Variants in DKK2 observed in about 807,000 individuals in gnomAD.
DKK2 encodes the protein dickkopf-related protein 2.
In DKK2, 11 loss-of-function variants were observed where a neutral mutation model predicts 28.1. The observed-to-expected ratio is 0.39, with a 90% CI of 0.25 to 0.65. The LOEUF is 0.65. DKK2 is among the 30% of genes least tolerant of loss of function. The probability of loss-of-function intolerance (pLI) is 0.47; values close to 1 mark genes in which losing one functional copy is unlikely to be tolerated. For synonymous variants in DKK2, 135 were observed against 126.5 expected (o/e 1.07, Z -0.45); for missense variants, 326 against 335.5 (o/e 0.97, Z 0.22).
chr4:106,949,133 G>C (rs1258747004), intron 1 of DKK2, among the ~76,000 whole-genome samples: 1 of 152,100 alleles, frequency 6.6e-6, no homozygotes, highest in African/African-American at 2.4e-5. Flanking sequence ...GCACCCTCCT[G>C]GTCATTTAGT....
intron 1 of DKK2, among the ~76,000 whole-genome samples, chr4:107,032,131 C>G (rs1723884811): frequency 6.6e-6 from 1 of 151,976 alleles, no homozygotes; most frequent in African/African-American, 2.4e-5. Context: ...TTAGCAATAG[C>G]TGCAAATGAA....
At chr4:106,971,987 C>T (rs1364176522) in intron 1 of DKK2, among the ~76,000 whole-genome samples, 1 of 152,026 alleles carries the variant, frequency 6.6e-6, no homozygotes, top group African/African-American at 2.4e-5. Flanking sequence ...TTTGGTACTC[C>T]AAATCCATTG....
intron 1 of DKK2, among the ~76,000 whole-genome samples, chr4:106,982,459 G>A (rs556823721): frequency 1.3e-5 from 2 of 152,228 alleles, no homozygotes; most frequent in East Asian, 3.9e-4. Context: ...CGGGCTGCTA[G>A]TGCTGGGTAC....
intron 1 of DKK2, among the ~76,000 whole-genome samples, chr4:106,953,377 C>T (rs1722524400): frequency 6.6e-6 from 1 of 152,172 alleles, no homozygotes. Flanking sequence ...AAAAAGGCAG[C>T]TTGCACACCC....
chr4:106,934,238 G>T (rs1724546099), intron 1 of DKK2, among the ~76,000 whole-genome samples: 1 of 152,070 alleles, frequency 6.6e-6, no homozygotes, highest in South Asian at 2.1e-4. Flanking sequence ...TAAACATTTT[G>T]TAATCTGCAC....
chr4:106,954,414 G>T (rs1460061095), intron 1 of DKK2, among the ~76,000 whole-genome samples: 1 of 152,116 alleles, frequency 6.6e-6, no homozygotes, highest in African/African-American at 2.4e-5. Flanking sequence ...AGAGGAAAAA[G>T]AGATGACTAT....
chr4:106,960,179 A>G (rs899706734), intron 1 of DKK2, among the ~76,000 whole-genome samples: 1 of 150,350 alleles, frequency 6.7e-6, no homozygotes, highest in Non-Finnish European at 1.5e-5. Context: ...TAGTAATACT[A>G]CTATAATAGA....
At chr4:106,971,476 A>G (rs552733078) in intron 1 of DKK2, among the ~76,000 whole-genome samples, 1 of 152,226 alleles carries the variant, frequency 6.6e-6, no homozygotes, top group Admixed American at 6.6e-5. Context: ...TGTCTCTAAG[A>G]TCATCTAAAC....
At chr4:107,002,895 C>T (rs959296123) in intron 1 of DKK2, among the ~76,000 whole-genome samples, 4 of 152,178 alleles carry the variant, frequency 2.6e-5, no homozygotes, top group Non-Finnish European at 5.9e-5. Context: ...GAATACCCAT[C>T]TCTTAGCATT....
At chr4:106,984,506 A>G (rs1723088475) in intron 1 of DKK2, among the ~76,000 whole-genome samples, 1 of 152,236 alleles carries the variant, frequency 6.6e-6, no homozygotes, top group Admixed American at 6.5e-5. Flanking sequence ...ATGCTGTAGC[A>G]TGTATCAGAA....
At chr4:106,944,745 C>G (rs1234109198) in intron 1 of DKK2, among the ~76,000 whole-genome samples, 2 of 152,036 alleles carry the variant, frequency 1.3e-5, no homozygotes, top group African/African-American at 4.8e-5. Context: ...ATAAATCTAG[C>G]TGTACACTGT....
At chr4:106,968,281 A>G (rs1053563559) in intron 1 of DKK2, among the ~76,000 whole-genome samples, 8 of 152,166 alleles carry the variant, frequency 5.3e-5, no homozygotes, top group African/African-American at 1.9e-4. Context: ...TCAATTCCCC[A>G]TCTACTACCG....
intron 1 of DKK2, among the ~76,000 whole-genome samples, chr4:106,939,402 G>A (rs188814288): frequency 3.3e-5 from 5 of 152,210 alleles, no homozygotes; most frequent in African/African-American, 1.2e-4. Context: ...AACTTACAAG[G>A]GATGTGAAGG....
At chr4:107,035,316 G>C (rs1478899810) in intron 1 of DKK2, 54 bp downstream of exon 1, 2 of 1,592,782 alleles carry the variant, frequency 1.3e-6, no homozygotes, top group Non-Finnish European at 8.6e-7. Flanking sequence ...GCTAGCCCAA[G>C]AGAGCTGGCC....
intron 1 of DKK2, among the ~76,000 whole-genome samples, chr4:106,950,852 T>A (rs1724847941): frequency 1.3e-5 from 2 of 152,150 alleles, no homozygotes; most frequent in African/African-American, 4.8e-5. Flanking sequence ...AACACATCCA[T>A]GAAACCATAA....
intron 1 of DKK2, among the ~76,000 whole-genome samples, chr4:106,965,165 C>T (rs1206322931): frequency 6.6e-6 from 1 of 152,080 alleles, no homozygotes; most frequent in Non-Finnish European, 1.5e-5. Flanking sequence ...CTTACTTTAG[C>T]TATGTCTTAT....
intron 1 of DKK2, among the ~76,000 whole-genome samples, chr4:107,005,524 C>G (rs1421749247): frequency 2.0e-5 from 3 of 152,000 alleles, no homozygotes; most frequent in Non-Finnish European, 4.4e-5. Flanking sequence ...TTAACACAGT[C>G]CTCCCCAAAT....
At chr4:106,926,981 G>A (rs907756817) in intron 1 of DKK2, among the ~76,000 whole-genome samples, 2 of 152,104 alleles carry the variant, frequency 1.3e-5, no homozygotes, top group Non-Finnish European at 2.9e-5. Context: ...AGATTTTGAG[G>A]CAGGGAGACT....
chr4:107,002,344 G>C (rs17037205), intron 1 of DKK2, among the ~76,000 whole-genome samples: 7,871 of 152,192 alleles, frequency 0.052, 329 homozygotes, highest in African/African-American at 0.12. Context: ...CCTATTGGTT[G>C]TTTCTGCGTT....
Sources: allele counts gnomAD v4.1 joint callset (sites outside exome capture counted in the v4.1 genomes callset), GRCh38; gene constraint gnomAD v4.1.1; transcripts MANE v1.5; gene names NCBI Gene and HGNC (gene_info 2026-07-23, HGNC 2026-07-21).